SLC34A1: variants seen among roughly 807,000 people sequenced by gnomAD.
SLC34A1 encodes the protein solute carrier family 34 member 1, also known as sodium-dependent phosphate transport protein 2A.
SLC34A1 carries 57 observed loss-of-function variants against 51.4 expected under a neutral mutation model. The observed-to-expected ratio is 1.11, with a 90% CI of 0.90 to 1.38. SLC34A1 has a LOEUF of 1.38. Among genes scored for constraint, SLC34A1 ranks in the 40% most tolerant of loss-of-function variants. SLC34A1 has a pLI of 0.00. For missense variants in SLC34A1, 796 were observed against 835.6 expected (o/e 0.95, Z 0.58); for synonymous variants, 368 against 358.0 (o/e 1.03, Z -0.32).
At chr5:177,390,468 A>G in intron 8 of SLC34A1, 1 of 705,336 alleles carries the variant, frequency 1.4e-6, no homozygotes, top group Non-Finnish European at 1.7e-6. Flanking sequence ...TGGCTTGCCC[A>G]AGTCCATGTA....
chr5:177,386,362 T>C lies in SLC34A1; in HGVS notation c.388+13T>C. 6.2e-7 allele frequency: 1 copy of C among 1,614,134 alleles called. No individual in the cohort carries two copies. The highest frequency in any genetic ancestry group is 8.5e-7 in the Non-Finnish European group (1 of 1,179,998). On this transcript the variant is annotated intron_variant, in intron 4 of 12. Transcript: ENST00000324417. The surrounding 1 kb of genome is among the most constrained non-coding windows in gnomAD (Gnocchi z 4.8). ...CAGCTGGCTGGAGGTAGGGCCCGGG[T>C]GGAGGAGACCTGGGAGGGGTTCCTG... is the stretch of plus-strand genomic sequence containing the variant.
chr5:177,388,182 T>A lies in SLC34A1; in HGVS notation c.833T>A (p.Ile278Asn). The A allele has an allele frequency of 6.2e-7, 1 of 1,614,088 alleles. No homozygotes were observed. Among genetic ancestry groups the A allele is most frequent in the South Asian group, 1.1e-5 (1 of 91,082 alleles). The part of the protein sequence containing the change: ...KIITEPFTKL[I>N]IQLDESVITS... ...ATCACAGAGCCCTTCACGAAGCTCA[T>A]CATCCAGGTGACAGCAGGGCCTGGC... The change falls in exon 7 of 13, where the codon ATC (isoleucine) becomes AAC (asparagine). Residue 278 changes from isoleucine (I) to asparagine (N), a missense_variant. Coordinates refer to ENST00000324417, the MANE Select transcript of SLC34A1 (RefSeq NM_003052.5). The surrounding 1 kb of genome is among the most constrained non-coding windows in gnomAD (Gnocchi z 4.3).
chr5:177,390,640 G>C (rs563006028), intron 8 of SLC34A1: 1 of 152,576 alleles, frequency 6.6e-6, no homozygotes, highest in African/African-American at 2.4e-5. Flanking sequence ...CAGAGATAGC[G>C]GGTGTTGCTC....
Position 177,396,476 on chromosome 5 carries a change from CCGCGGAGG to C in SLC34A1, c.1175-256_1175-249del. 7.1e-6 allele frequency among the ~76,000 whole-genome samples: 1 copy of C among 140,214 alleles called. No individual in the cohort carries two copies. The allele number at this position is 140,214 out of a possible 152,430, so 92.0% of individuals were successfully genotyped here. A position where few individuals can be genotyped will look rare whatever the true frequency, so the allele number is the denominator to read the frequency against. ...GCGGAGGTCCGCTCTCCCAGTGCCC[CCGCGGAGG>C]TCCTCTCTCCCAGTGCCCCCGCGGA... On this transcript the variant is annotated intron_variant, in intron 10 of 12. Coordinates refer to ENST00000324417, the MANE Select transcript of SLC34A1 (RefSeq NM_003052.5). This position sits in a 1 kb window ranked among gnomAD's most constrained non-coding sequence, Gnocchi z 4.0.
In SLC34A1 at chr5:177,397,951, C is replaced by T. The variant is rs1439619788; in HGVS notation, c.1585C>T (p.Leu529=). 3 of 1,614,024 alleles carry T rather than the reference C, an allele frequency of 1.9e-6. No homozygotes were observed. The African/African-American group carries it at 4.0e-5, about 22-fold the overall frequency. Residue 529 remains leucine, a synonymous_variant, in exon 13 of 13, where the codon CTG becomes TTG. Coordinates refer to ENST00000324417, the MANE Select transcript of SLC34A1 (RefSeq NM_003052.5). ...LLVCFLLLPS[L]VFGISMAGWQ... ...TGTCTGCTTCCTGCTGCTGCCCTCA[C>T]TGGTGTTTGGCATCTCCATGGCAGG...
rs1368917517 is a variant in SLC34A1, at chr5:177,388,720, C to A, written c.936+348C>A. Among the ~76,000 whole-genome samples the A allele has an allele frequency of 6.6e-6, 1 of 152,112 alleles. No homozygotes were observed. Among genetic ancestry groups the A allele is most frequent in the African/African-American group, 2.4e-5 (1 of 41,390 alleles). On this transcript the variant is annotated intron_variant, in intron 8 of 12. Transcript: ENST00000324417. This position sits in a 1 kb window ranked among gnomAD's most constrained non-coding sequence, Gnocchi z 4.3. ...TACTGAATCTGGAAACCCCTGGGAG[C>A]GGGGCCAATGGCCTATGCTTCAGCA...
Position 177,387,719 on chromosome 5 carries a change from T to C in SLC34A1, c.533-43T>C, listed in dbSNP as rs1221760371. 2.0e-6 allele frequency: 3 copies of C among 1,522,202 alleles called. No individual in the cohort carries two copies. In the East Asian group the frequency reaches 6.7e-5, roughly 34 times the overall value. The allele number at this position is 1,522,202 out of a possible 1,614,324, so 94.3% of individuals were successfully genotyped here. ...ACAGGAGTTGTGGTGGTGCAGGAGC[T>C]GGGTGACCGTCAAATTCATTAGGAC... On this transcript the variant is annotated intron_variant, in intron 5 of 12. Coordinates refer to ENST00000324417, the MANE Select transcript of SLC34A1 (RefSeq NM_003052.5).
Position 177,386,507 on chromosome 5 carries a change from T to C in SLC34A1, c.473T>C (p.Val158Ala), listed in dbSNP as rs761333934. The C allele has an allele frequency of 1.2e-6, 2 of 1,614,084 alleles. No individual in the cohort carries two copies. The highest frequency in any genetic ancestry group is 2.2e-5 in the South Asian group (2 of 91,082). ...CTGGTGGTGGGGATCCTGGTGACCG[T>C]GCTGGTGCAGAGCTCCAGCACCTCC... ...AGLVVGILVT[V>A]LVQSSSTSTS... Residue 158 changes from valine (V) to alanine (A), a missense_variant, in exon 5 of 13, where the codon GTG (valine) becomes GCG (alanine). Val to Ala is a moderately conservative substitution (Grantham distance 64). Coordinates refer to ENST00000324417, the MANE Select transcript of SLC34A1 (RefSeq NM_003052.5). The surrounding 1 kb of genome is among the most constrained non-coding windows in gnomAD (Gnocchi z 4.8).
chr5:177,397,635 G>C, intron 12 of SLC34A1, 148 bp from the exon 13 acceptor site: 2 of 998,088 alleles, frequency 2.0e-6, no homozygotes, highest in Non-Finnish European at 3.1e-6. Context: ...ACCTCGGGGT[G>C]ATCTCGGGGC....
At chr5:177,392,878 G>A (rs915357792) in intron 8 of SLC34A1, among the ~76,000 whole-genome samples, 1 of 152,192 alleles carries the variant, frequency 6.6e-6, no homozygotes, top group Non-Finnish European at 1.5e-5. Flanking sequence ...GCCCCCCAAA[G>A]TGCTGGGATT....
rs757273181 is a variant in SLC34A1, at chr5:177,387,998, T to G, written c.649T>G (p.Phe217Val). Residue 217 changes from phenylalanine (F) to valine (V), a missense_variant, in exon 7 of 13, where the codon TTC (phenylalanine) becomes GTC (valine). Coordinates refer to ENST00000324417, the MANE Select transcript of SLC34A1 (RefSeq NM_003052.5). ...CAATGTGGCCTCCCTGCCCAGGGCC[T>G]TCGCGGGGGCCACGGTGCATGACTG... is the stretch of plus-strand genomic sequence containing the variant. ...AGDRTDFRRA[F>V]AGATVHDCFN... 9 of 1,612,696 alleles carry G rather than the reference T, an allele frequency of 5.6e-6. No individual in the cohort carries two copies. The South Asian group carries it at 9.9e-5, about 18-fold the overall frequency.
Position 177,387,878 on chromosome 5 carries a change from G to A in SLC34A1, c.644+5G>A, listed in dbSNP as rs1420848876. ...GGACAGGACTGACTTCCGGCGGTGA[G>A]GGGGGCTGGGGGTTGGGGGCTCGTG... On this transcript the variant is annotated splice_donor_5th_base_variant and intron_variant, in intron 6 of 12. Coordinates refer to ENST00000324417, the MANE Select transcript of SLC34A1 (RefSeq NM_003052.5). The A allele has an allele frequency of 1.9e-5, 30 of 1,609,272 alleles. No individual in the cohort carries two copies. Among genetic ancestry groups the A allele is most frequent in the Non-Finnish European group, 2.5e-5 (30 of 1,177,584 alleles).
At position 177,398,473 on chromosome 5, in the gene SLC34A1, G is replaced by A; in HGVS notation, c.*187G>A. The A allele has an allele frequency of 1.4e-6, 1 of 711,368 alleles. No homozygotes were observed. Among genetic ancestry groups the A allele is most frequent in the Non-Finnish European group, 2.5e-6 (1 of 401,106 alleles). 44.1% of individuals were successfully genotyped at this position (711,368 alleles called of 1,614,324 possible). On this transcript the variant is annotated 3_prime_UTR_variant, in exon 13 of 13. Transcript: ENST00000324417. This position sits in a 1 kb window ranked among gnomAD's most constrained non-coding sequence, Gnocchi z 4.7. ...TGTGTGCATGTGTGGGGGTGAGTCT[G>A]CATGTGCACCTGTCATGTGTAGAAG...
intron 12 of SLC34A1, 57 bp downstream of exon 12, chr5:177,397,131 G>C: frequency 6.3e-7 from 1 of 1,594,376 alleles, no homozygotes. Flanking sequence ...TGGGGTGTGG[G>C]GCCTCACAAA....
At chr5:177,394,992 CGA>C (rs1305189285) in intron 10 of SLC34A1, among the ~76,000 whole-genome samples, 4 of 151,854 alleles carry the variant, frequency 2.6e-5, no homozygotes, top group Non-Finnish European at 4.4e-5. Context: ...CGTGCCCGGC[CGA>C]GACTTTTGTC....
Position 177,393,965 on chromosome 5 carries a change from G to A in SLC34A1, c.1007-63G>A. On this transcript the variant is annotated intron_variant, in intron 9 of 12. Coordinates refer to ENST00000324417, the MANE Select transcript of SLC34A1 (RefSeq NM_003052.5). ...CCTTAGGATCAGAGCCCAACTGGGT[G>A]GCAAAGGTGGGGACCTGGGAGCCAG... is the stretch of plus-strand genomic sequence containing the variant. 3 of 1,603,754 alleles carry A rather than the reference G, an allele frequency of 1.9e-6. No homozygotes were observed. In the Admixed American group the frequency reaches 5.0e-5, roughly 27 times the overall value.
chr5:177,390,456 A>T (rs1561631059), intron 8 of SLC34A1: 9 of 845,892 alleles, frequency 1.1e-5, no homozygotes, highest in Non-Finnish European at 1.1e-5. Flanking sequence ...AGAGAAGTGC[A>T]GTGGCTTGCC....
In SLC34A1 at chr5:177,386,107, AG is replaced by A; in HGVS notation, c.231del (p.Lys77AsnfsTer30). 6.2e-7 allele frequency: 1 copy of A among 1,613,454 alleles called. No individual in the cohort carries two copies. The highest frequency in any genetic ancestry group is 8.5e-7 in the Non-Finnish European group (1 of 1,179,650). On this transcript the variant is annotated frameshift_variant, in exon 3 of 13. Transcript: ENST00000324417. LOFTEE classifies it high-confidence loss of function. This position sits in a 1 kb window ranked among gnomAD's most constrained non-coding sequence, Gnocchi z 4.8. ...GAGCGCCATGAACCACTGCCTGCCA[AG>A]CTGGCCCTGGAGGAGGAGCAGAAGC... ...VLERHEPLPAKLALEEEQKPE... is the reference protein window; with the variant it reads ...VLERHEPLPAXLALEEEQKPE...
At chr5:177,393,444 G>C (rs1762868148) in intron 8 of SLC34A1, among the ~76,000 whole-genome samples, 1 of 152,148 alleles carries the variant, frequency 6.6e-6, no homozygotes. Context: ...CACTGGATGT[G>C]GCCCCAGGGA....
Sources: allele counts gnomAD v4.1 joint callset (sites outside exome capture counted in the v4.1 genomes callset), GRCh38; gene constraint gnomAD v4.1.1; non-coding constraint Gnocchi (gnomAD v3.1); transcripts MANE v1.5; gene names NCBI Gene and HGNC (gene_info 2026-07-23, HGNC 2026-07-21).